The following CACNA2D3 variants were observed in gnomAD, a reference collection of about 807,000 sequenced individuals.
The protein encoded by CACNA2D3 is calcium voltage-gated channel auxiliary subunit alpha2delta 3, also known as voltage-dependent calcium channel subunit alpha-2/delta-3.
A neutral mutation model predicts 160.6 loss-of-function variants in CACNA2D3; 60 were observed. That is an observed-to-expected ratio of 0.37 (90% CI 0.30 to 0.46). The LOEUF is 0.46. Among genes scored for constraint, CACNA2D3 ranks in the 20% least tolerant of loss-of-function variants. The pLI, the probability that CACNA2D3 is intolerant of heterozygous loss-of-function variation, is 1.00. For missense variants in CACNA2D3, 1,205 were observed against 1,365.0 expected, an observed-to-expected ratio of 0.88 and a Z score of 1.85; for synonymous variants, 558 against 492.9, an observed-to-expected ratio of 1.13 and a Z score of -1.75.
intron 18 of CACNA2D3, among the ~76,000 whole-genome samples, chr3:54,875,948 A>G (rs1468835809): frequency 6.6e-6 from 1 of 152,226 alleles, no homozygotes; most frequent in African/African-American, 2.4e-5. Flanking sequence ...TGATATGGAA[A>G]AATCAAGGTA....
rs528570283 is a variant in CACNA2D3, at chr3:54,197,164, C to T, written c.204+73570C>T. 1.2e-4 allele frequency among the ~76,000 whole-genome samples: 19 copies of T among 152,214 alleles called. No individual in the cohort carries two copies. The South Asian group carries it at 3.7e-3, about 30-fold the overall frequency. On this transcript the variant is annotated intron_variant, in intron 2 of 37. Transcript: ENST00000474759. ...TAATGCAATGCTCCTGCCTCATCCT[C>T]CTGAGCAGGAAAGGGCCAAGTTTTA...
intron 4 of CACNA2D3, among the ~76,000 whole-genome samples, chr3:54,501,083 C>T (rs1254598913): frequency 6.6e-6 from 1 of 152,124 alleles, no homozygotes; most frequent in Non-Finnish European, 1.5e-5. Context: ...AAGGGACAGA[C>T]TTTCTCTGTC....
chr3:54,779,629 A>G (rs1444165045), intron 13 of CACNA2D3, among the ~76,000 whole-genome samples: 1 of 152,152 alleles, frequency 6.6e-6, no homozygotes, highest in East Asian at 1.9e-4. Context: ...AGTTGCCTGA[A>G]CAACCCAAAC....
chr3:54,817,595 G>A (rs1039711322), intron 14 of CACNA2D3, among the ~76,000 whole-genome samples: 8 of 152,234 alleles, frequency 5.3e-5, no homozygotes, highest in Non-Finnish European at 1.0e-4. Context: ...GGAAGACACA[G>A]CAATTTCTGG....
chr3:54,350,992 T>TTTTTTTTTTTTTTTTTTTTTTTG (rs1559457861), intron 3 of CACNA2D3, among the ~76,000 whole-genome samples: 2 of 110,978 alleles, frequency 1.8e-5, no homozygotes, highest in East Asian at 2.5e-4. Context: ...GTTTGTTTTT[T>TTTTTTTTTTTTTTTTTTTTTTTG]TTTTTTTTTT....
At chr3:54,499,526 C>T (rs1701254446) in intron 4 of CACNA2D3, among the ~76,000 whole-genome samples, 1 of 152,064 alleles carries the variant, frequency 6.6e-6, no homozygotes, top group Admixed American at 6.6e-5. Context: ...CTTCTTTTCT[C>T]TTCTGATACA....
intron 2 of CACNA2D3, among the ~76,000 whole-genome samples, chr3:54,133,201 A>G (rs1421992689): frequency 6.6e-6 from 1 of 151,882 alleles, no homozygotes; most frequent in Admixed American, 6.6e-5. Context: ...TTTGTATTTT[A>G]TGATGTGTGC....
chr3:54,803,280 C>G (rs1027826395), intron 13 of CACNA2D3, among the ~76,000 whole-genome samples: 6 of 152,096 alleles, frequency 3.9e-5, no homozygotes, highest in Non-Finnish European at 7.3e-5. Context: ...GGAGGAAATT[C>G]AAACCAAAGG....
intron 27 of CACNA2D3, among the ~76,000 whole-genome samples, chr3:54,964,629 G>A (rs767184897): frequency 2.6e-5 from 4 of 152,082 alleles, no homozygotes; most frequent in Non-Finnish European, 4.4e-5. Context: ...TGAAGTAGTC[G>A]TGTTTTCTCT....
At chr3:54,652,283 A>G (rs1440498560) in intron 11 of CACNA2D3, among the ~76,000 whole-genome samples, 1 of 152,232 alleles carries the variant, frequency 6.6e-6, no homozygotes, top group African/African-American at 2.4e-5. Context: ...GCATTCATGC[A>G]ACAGGTATTT....
chr3:54,262,228 A>T (rs1702413805), intron 2 of CACNA2D3, among the ~76,000 whole-genome samples: 1 of 152,188 alleles, frequency 6.6e-6, no homozygotes, highest in Non-Finnish European at 1.5e-5. Flanking sequence ...TCTGCATATC[A>T]TATCACAAAC....
At chr3:54,553,176 G>A (rs534140360) in intron 5 of CACNA2D3, among the ~76,000 whole-genome samples, 2 of 152,182 alleles carry the variant, frequency 1.3e-5, no homozygotes, top group South Asian at 2.1e-4. Flanking sequence ...AAGGGTAAAT[G>A]TTTGGCAAAT....
At chr3:55,002,409 T>C (rs1703003015) in intron 31 of CACNA2D3, among the ~76,000 whole-genome samples, 1 of 152,184 alleles carries the variant, frequency 6.6e-6, no homozygotes, top group South Asian at 2.1e-4. Flanking sequence ...AGAAATCTCC[T>C]GAGTGAGGAT....
At chr3:54,796,877 G>A (rs1702876182) in intron 13 of CACNA2D3, among the ~76,000 whole-genome samples, 2 of 151,952 alleles carry the variant, frequency 1.3e-5, no homozygotes, top group Admixed American at 6.6e-5. Flanking sequence ...CATAGAGATA[G>A]GGCTGCCACA....
chr3:54,715,110 G>A (rs1701028332), intron 11 of CACNA2D3, among the ~76,000 whole-genome samples: 1 of 152,178 alleles, frequency 6.6e-6, no homozygotes. Context: ...GAGGACAGTT[G>A]CAAGTAGTAG....
chr3:54,724,588 C>G (rs1323804528), intron 11 of CACNA2D3, among the ~76,000 whole-genome samples: 2 of 152,166 alleles, frequency 1.3e-5, no homozygotes, highest in Non-Finnish European at 2.9e-5. Context: ...ACAGTACCAT[C>G]AAACTCTAGA....
At chr3:54,840,719 A>ATT (rs35529003) in intron 16 of CACNA2D3, among the ~76,000 whole-genome samples, 1,280 of 85,714 alleles carry the variant, frequency 0.015, 70 homozygotes, top group African/African-American at 0.054. Flanking sequence ...AAGAGCCATG[A>ATT]TTTTTTTTTT....
intron 4 of CACNA2D3, among the ~76,000 whole-genome samples, chr3:54,461,650 A>G (rs1282716455): frequency 6.6e-6 from 1 of 151,348 alleles, no homozygotes; most frequent in South Asian, 2.1e-4. Flanking sequence ...TATTGCATCT[A>G]TTTGATTCTT....
intron 35 of CACNA2D3, among the ~76,000 whole-genome samples, chr3:55,042,696 T>C (rs533226521): frequency 4.8e-4 from 73 of 152,312 alleles, no homozygotes; most frequent in African/African-American, 1.5e-3. Flanking sequence ...TTGAGAAATA[T>C]TTACAGTTGT....
Sources: gnomAD v4.1 joint callset for allele counts (sites outside exome capture counted in the v4.1 genomes callset) on GRCh38, gnomAD v4.1.1 for gene constraint, MANE v1.5 for transcripts, NCBI Gene and HGNC (gene_info 2026-07-23, HGNC 2026-07-21) for gene names.